Variants in SESTD1 observed in about 807,000 individuals in gnomAD.
SESTD1 encodes the protein SEC14 domain and spectrin repeat-containing protein 1.
SESTD1 carries 43 observed loss-of-function variants against 101.7 expected under a neutral mutation model. The observed-to-expected ratio is 0.42, with a 90% CI of 0.33 to 0.55. The LOEUF (loss-of-function observed/expected upper bound fraction) is 0.55, where lower values mean the gene tolerates loss of function less well. SESTD1 is among the 20% of genes least tolerant of loss of function. The pLI is 0.07. For synonymous variants in SESTD1, 283 were observed against 286.8 expected (o/e 0.99, Z 0.13); for missense variants, 647 against 815.1 (o/e 0.79, Z 2.51).
At chr2:179,256,373 T>C (rs1211851483) in intron 1 of SESTD1, among the ~76,000 whole-genome samples, 2 of 152,086 alleles carry the variant, frequency 1.3e-5, no homozygotes, top group African/African-American at 4.8e-5. Context: ...TTGGAAGAAG[T>C]TGATCCCAAC....
intron 1 of SESTD1, among the ~76,000 whole-genome samples, chr2:179,200,440 C>A (rs1020278267): frequency 6.6e-6 from 1 of 150,514 alleles, no homozygotes; most frequent in African/African-American, 2.5e-5. Context: ...TCATATGGAA[C>A]CAAAAAAGAG....
intron 1 of SESTD1, among the ~76,000 whole-genome samples, chr2:179,255,682 T>C (rs1386481197): frequency 1.3e-5 from 2 of 152,214 alleles, no homozygotes. Context: ...ATCAAAAAAA[T>C]CTAGCTAAGA....
intron 6 of SESTD1, among the ~76,000 whole-genome samples, chr2:179,151,066 T>C (rs1392409918): frequency 6.6e-6 from 1 of 152,196 alleles, no homozygotes; most frequent in Non-Finnish European, 1.5e-5. Context: ...ATTAAACGCA[T>C]TGTTGAAGGC....
At chr2:179,219,195 G>T (rs2046768544) in intron 1 of SESTD1, among the ~76,000 whole-genome samples, 1 of 152,140 alleles carries the variant, frequency 6.6e-6, no homozygotes, top group South Asian at 2.1e-4. Context: ...GGCAGCAGAG[G>T]ATGTATTCAG....
chr2:179,146,663 A>T (rs1486702732), intron 7 of SESTD1, among the ~76,000 whole-genome samples: 2 of 152,222 alleles, frequency 1.3e-5, no homozygotes, highest in Non-Finnish European at 2.9e-5. Context: ...CCAACGTAAT[A>T]AATCATAAAA....
chr2:179,115,794 CTTCT>C (rs1156827717), intron 15 of SESTD1, among the ~76,000 whole-genome samples: 1 of 147,800 alleles, frequency 6.8e-6, no homozygotes, highest in Non-Finnish European at 1.5e-5. Context: ...AAAAAGTCTC[CTTCT>C]GTTAGGCTTC....
Position 179,115,939 on chromosome 2 carries a change from A to G in SESTD1, c.1648-683T>C, listed in dbSNP as rs550507989. ...TAGGCACTTTATATTCCATATAGGA[A>G]ACTACATCTGTTAAAACGTGAACTC... On this transcript the variant is annotated intron_variant, in intron 15 of 17. Coordinates refer to ENST00000428443, the MANE Select transcript of SESTD1 (RefSeq NM_178123.5). Among the ~76,000 whole-genome samples the G allele has an allele frequency of 9.5e-4, 144 of 152,256 alleles. 1 individual carries two copies. Among genetic ancestry groups the G allele is most frequent in the African/African-American group, 3.2e-3 (131 of 41,536 alleles).
At position 179,108,734 on chromosome 2, in the gene SESTD1, TAAAA is replaced by T. The variant is rs2044443407; in HGVS notation, c.*1161_*1164del. 1 of 151,980 alleles carries T rather than the reference TAAAA, an allele frequency of 6.6e-6. No homozygotes were observed. The highest frequency in any genetic ancestry group is 2.1e-4 in the South Asian group (1 of 4,834). 9.4% of individuals were successfully genotyped at this position (151,980 alleles called of 1,614,324 possible). A position where few individuals can be genotyped will look rare whatever the true frequency, so the allele number is the denominator to read the frequency against. ...TAATATTTTAAAAAATGTTCTGAAA[TAAAA>T]ATACATAAAATTTAAATTATATGCA... On this transcript the variant is annotated 3_prime_UTR_variant, in exon 18 of 18. Coordinates refer to ENST00000428443, the MANE Select transcript of SESTD1 (RefSeq NM_178123.5).
At position 179,115,270 on chromosome 2, in the gene SESTD1, G is replaced by A; in HGVS notation, c.1648-14C>T. On this transcript the variant is annotated splice_polypyrimidine_tract_variant and intron_variant, in intron 15 of 17. Coordinates refer to ENST00000428443, the MANE Select transcript of SESTD1 (RefSeq NM_178123.5). ...GTCATAAGTGCTCTAAAAAAGAAAA[G>A]GAAACATAAAATTGTAATAAAAGAA... 3 of 1,552,542 alleles carry A rather than the reference G, an allele frequency of 1.9e-6. No individual in the cohort carries two copies. The highest frequency in any genetic ancestry group is 1.7e-6 in the Non-Finnish European group (2 of 1,154,620).
At position 179,102,213 on chromosome 2, in the gene SESTD1, T is replaced by C. The variant is rs2154393300; in HGVS notation, c.*7686A>G. The C allele has an allele frequency of 6.6e-6, 1 of 152,244 alleles. No homozygotes were observed. The highest frequency in any genetic ancestry group is 1.9e-4 in the East Asian group (1 of 5,186). The allele number at this position is 152,244 out of a possible 1,614,324, so 9.4% of individuals were successfully genotyped here. ...CTGTGCCAAGCCTGTGGGAAGGGATTGTTGGGGTCACGGGAGAGGGAAGCA... is the reference window on the plus strand; with the variant it reads ...CTGTGCCAAGCCTGTGGGAAGGGATCGTTGGGGTCACGGGAGAGGGAAGCA... On this transcript the variant is annotated 3_prime_UTR_variant, in exon 18 of 18. Coordinates refer to ENST00000428443, the MANE Select transcript of SESTD1 (RefSeq NM_178123.5).
intron 1 of SESTD1, among the ~76,000 whole-genome samples, chr2:179,232,748 G>A (rs1362357579): frequency 1.3e-5 from 2 of 151,950 alleles, no homozygotes; most frequent in African/African-American, 4.8e-5. Flanking sequence ...CTGTTAAGTC[G>A]GAAAAACAAA....
chr2:179,117,565 C>T lies in SESTD1; in HGVS notation c.1491G>A (p.Val497=), dbSNP rs758547305. ...DVRRLKMLQM[V]QLFKCEEDAA... The stretch of plus-strand genomic sequence containing the variant: ...CATCTTCTTCACATTTAAACAACTG[C>T]ACCATCTGAAGCATCTTTAACCTTC... Residue 497 remains valine, a synonymous_variant, in exon 14 of 18, where the codon GTG becomes GTA. Coordinates refer to ENST00000428443, the MANE Select transcript of SESTD1 (RefSeq NM_178123.5). 1.3e-6 allele frequency: 2 copies of T among 1,585,648 alleles called. No individual in the cohort carries two copies. The highest frequency in any genetic ancestry group is 1.4e-5 in the African/African-American group (1 of 73,070).
intron 1 of SESTD1, among the ~76,000 whole-genome samples, chr2:179,244,446 G>C (rs971992245): frequency 2.0e-5 from 3 of 149,906 alleles, no homozygotes; most frequent in Non-Finnish European, 4.4e-5. Flanking sequence ...GAGATACAGT[G>C]AGACTCTGTC....
In SESTD1 at chr2:179,205,763, T is replaced by C. The variant is rs1166926309; in HGVS notation, c.-25-13897A>G. ...TATAAGCCAAGATCAAATGAACTGA[T>C]AGATAAAAAGTAAAGCAGTCAAGAG... On this transcript the variant is annotated intron_variant, in intron 1 of 17. Transcript: ENST00000428443. 2.2e-5 allele frequency among the ~76,000 whole-genome samples: 3 copies of C among 135,218 alleles called. 1 individual carries two copies. The highest frequency in any genetic ancestry group is 8.8e-5 in the African/African-American group (3 of 34,200). The allele number at this position is 135,218 out of a possible 152,430, so 88.7% of individuals were successfully genotyped here.
chr2:179,118,158 G>A (rs140279227), intron 13 of SESTD1, among the ~76,000 whole-genome samples: 9 of 151,966 alleles, frequency 5.9e-5, no homozygotes, highest in East Asian at 3.9e-4. Flanking sequence ...AAACATTAAC[G>A]CTTTTCATTA....
chr2:179,132,482 T>G, intron 9 of SESTD1, 56 bp from the exon 10 acceptor site: 5 of 1,524,694 alleles, frequency 3.3e-6, no homozygotes, highest in Non-Finnish European at 4.4e-6. Context: ...TTTCAAACTT[T>G]CATTCTAACT....
chr2:179,236,749 G>T (rs1241927630), intron 1 of SESTD1, among the ~76,000 whole-genome samples: 10 of 135,268 alleles, frequency 7.4e-5, no homozygotes, highest in Admixed American at 2.2e-4. Flanking sequence ...ATCTGATGTA[G>T]TTTTTTTTTT....
At position 179,264,822 on chromosome 2, in the gene SESTD1, G is replaced by C. The variant is rs1180082200; in HGVS notation, c.-349C>G. The C allele has an allele frequency of 1.7e-4, 26 of 151,746 alleles. No homozygotes were observed. Among genetic ancestry groups the C allele is most frequent in the Admixed American group, 1.7e-3 (26 of 15,244 alleles). 9.4% of individuals were successfully genotyped at this position (151,746 alleles called of 1,614,324 possible). A position where few individuals can be genotyped will look rare whatever the true frequency, so the allele number is the denominator to read the frequency against. ...CGGTACAGCAACCCGCCCGGCGCGGGAAGGAGGAAGGAGGCGGGGCGGGGC... is the reference window on the plus strand; with the variant it reads ...CGGTACAGCAACCCGCCCGGCGCGGCAAGGAGGAAGGAGGCGGGGCGGGGC... On this transcript the variant is annotated 5_prime_UTR_variant, in exon 1 of 18. Coordinates refer to ENST00000428443, the MANE Select transcript of SESTD1 (RefSeq NM_178123.5).
chr2:179,132,543 C>T (rs2045035356), intron 9 of SESTD1, 117 bp from the exon 10 acceptor site: 2 of 1,115,050 alleles, frequency 1.8e-6, no homozygotes, highest in Non-Finnish European at 2.5e-6. Context: ...AAATTATTTA[C>T]ATTCTATCAC....
Sources: allele counts gnomAD v4.1 joint callset (sites outside exome capture counted in the v4.1 genomes callset), GRCh38; gene constraint gnomAD v4.1.1; transcripts MANE v1.5; gene names NCBI Gene and HGNC (gene_info 2026-07-23, HGNC 2026-07-21).